Variants in DENND6A observed in about 807,000 individuals in gnomAD.
The protein encoded by DENND6A is protein DENND6A.
In DENND6A, 43 loss-of-function variants were observed where a neutral mutation model predicts 95.5. The observed-to-expected ratio is 0.45, with a 90% CI of 0.35 to 0.58. The LOEUF (loss-of-function observed/expected upper bound fraction) is 0.58, where lower values mean the gene tolerates loss of function less well. Among genes scored for constraint, DENND6A ranks in the 20% least tolerant of loss-of-function variants. The pLI, the probability that DENND6A is intolerant of heterozygous loss-of-function variation, is 0.00. For synonymous variants in DENND6A, 257 were observed against 260.4 expected, an observed-to-expected ratio of 0.99 and a Z score of 0.13; for missense variants, 574 against 736.0, an observed-to-expected ratio of 0.78 and a Z score of 2.55.
At chr3:57,682,922 C>G (rs2077179331) in intron 1 of DENND6A, among the ~76,000 whole-genome samples, 1 of 152,198 alleles carries the variant, frequency 6.6e-6, no homozygotes, top group African/African-American at 2.4e-5. Flanking sequence ...AAGTGATCCA[C>G]CCACCTCAGC....
chr3:57,636,530 T>C (rs747944939), intron 12 of DENND6A, among the ~76,000 whole-genome samples: 2 of 152,030 alleles, frequency 1.3e-5, no homozygotes, highest in Admixed American at 6.6e-5. Flanking sequence ...GGTGCTGGGA[T>C]AGAATTATGA....
intron 9 of DENND6A, among the ~76,000 whole-genome samples, chr3:57,648,076 A>G (rs916951562): frequency 2.0e-5 from 3 of 152,180 alleles, no homozygotes; most frequent in African/African-American, 7.2e-5. Context: ...TTAAACTGTC[A>G]CTGTTTGCTG....
chr3:57,651,835 A>G (rs1187819482), intron 9 of DENND6A, among the ~76,000 whole-genome samples: 1 of 152,210 alleles, frequency 6.6e-6, no homozygotes, highest in African/African-American at 2.4e-5. Flanking sequence ...ATATCAAAAT[A>G]GGTAATAATG....
Position 57,630,433 on chromosome 3 carries a change from A to T in DENND6A, c.1608T>A (p.Ala536=), listed in dbSNP as rs191017431. The change falls in exon 18 of 20, where the codon GCT becomes GCA. Residue 536 remains alanine (A), a synonymous_variant. Coordinates refer to ENST00000311128, the MANE Select transcript of DENND6A (RefSeq NM_152678.3). ...TQKLEALHLE[A]LCEEDLLLWI... ...ACAGTTTTCGAACCTCTTCACAAAG[A>T]GCTTCTAGATGGAGTGCCTCCAATT... The T allele has an allele frequency of 2.5e-6, 4 of 1,584,638 alleles. No individual in the cohort carries two copies. The highest frequency in any genetic ancestry group is 2.1e-5 in the Admixed American group (1 of 48,730).
chr3:57,649,779 C>CT (rs1255524637), intron 9 of DENND6A, among the ~76,000 whole-genome samples: 1 of 151,836 alleles, frequency 6.6e-6, no homozygotes, highest in Non-Finnish European at 1.5e-5. Flanking sequence ...TGCTCACTCT[C>CT]TGATTCTCCT....
chr3:57,647,259 C>T (rs1363487030), intron 9 of DENND6A, among the ~76,000 whole-genome samples: 1 of 152,062 alleles, frequency 6.6e-6, no homozygotes. Context: ...TTAATTTTAA[C>T]TATTCAAAAA....
intron 12 of DENND6A, among the ~76,000 whole-genome samples, chr3:57,637,892 T>C (rs1258254855): frequency 6.6e-6 from 1 of 151,948 alleles, no homozygotes; most frequent in African/African-American, 2.4e-5. Context: ...CCCCAGCACT[T>C]TGGGAGGCTG....
intron 9 of DENND6A, among the ~76,000 whole-genome samples, chr3:57,649,755 T>C (rs543058229): frequency 6.6e-6 from 1 of 151,972 alleles, no homozygotes; most frequent in African/African-American, 2.4e-5. Context: ...TCTGCATGGA[T>C]ACCCTCCTTA....
intron 12 of DENND6A, among the ~76,000 whole-genome samples, chr3:57,639,194 A>G (rs564477296): frequency 6.6e-6 from 1 of 152,362 alleles, no homozygotes; most frequent in South Asian, 2.1e-4. Context: ...ATCATTAGTC[A>G]TTAGAGAAAA....
At chr3:57,679,124 CAAAAT>C (rs2077136064) in intron 1 of DENND6A, among the ~76,000 whole-genome samples, 1 of 152,144 alleles carries the variant, frequency 6.6e-6, no homozygotes, top group Non-Finnish European at 1.5e-5. Context: ...CAAAACAAAA[CAAAAT>C]GATACCCAGT....
intron 1 of DENND6A, among the ~76,000 whole-genome samples, chr3:57,679,036 G>A (rs1213446429): frequency 6.6e-6 from 1 of 152,244 alleles, no homozygotes; most frequent in East Asian, 1.9e-4. Flanking sequence ...TCCAGAAGGT[G>A]GAGGTTGCAG....
rs528023670 is a variant in DENND6A, at chr3:57,671,886, TTCAC to T, written c.319+366_319+369del. 6.2e-3 allele frequency among the ~76,000 whole-genome samples: 940 copies of T among 152,312 alleles called. 4 individuals carry two copies. The highest frequency in any genetic ancestry group is 0.01 in the Non-Finnish European group (708 of 68,014). ...CAAATTTATCCTGGCTTTTTTTAGG[TTCAC>T]TGCTTTTACAGAGTTCCTGGTAAGC... On this transcript the variant is annotated intron_variant, in intron 3 of 19. Coordinates refer to ENST00000311128, the MANE Select transcript of DENND6A (RefSeq NM_152678.3).
At position 57,626,230 on chromosome 3, in the gene DENND6A, C is replaced by A. The variant is rs1483602453; in HGVS notation, c.*1984G>T. 1 of 152,544 alleles carries A rather than the reference C, an allele frequency of 6.6e-6. No homozygotes were observed. Among genetic ancestry groups the A allele is most frequent in the African/African-American group, 2.4e-5 (1 of 41,420 alleles). 9.4% of individuals were successfully genotyped at this position (152,544 alleles called of 1,614,324 possible). On this transcript the variant is annotated 3_prime_UTR_variant, in exon 20 of 20. Coordinates refer to ENST00000311128, the MANE Select transcript of DENND6A (RefSeq NM_152678.3). ...AACAGGGCACATTTGGGTATTAGAC[C>A]ACAGTTACAAACGCAAGGAGTCTTT...
At chr3:57,672,369 G>A (rs1479897632) in intron 2 of DENND6A, 31 bp downstream of exon 2, 2 of 1,611,262 alleles carry the variant, frequency 1.2e-6, no homozygotes, top group African/African-American at 2.7e-5. Flanking sequence ...AAATATAACA[G>A]TAAACTATAC....
At position 57,693,025 on chromosome 3, in the gene DENND6A, C is replaced by T; in HGVS notation, c.-7G>A. The T allele has an allele frequency of 2.1e-6, 3 of 1,410,604 alleles. No individual in the cohort carries two copies. The highest frequency in any genetic ancestry group is 3.0e-5 in the South Asian group (2 of 66,194). 87.4% of individuals were successfully genotyped at this position (1,410,604 alleles called of 1,614,324 possible). On this transcript the variant is annotated 5_prime_UTR_variant, in exon 1 of 20. Coordinates refer to ENST00000311128, the MANE Select transcript of DENND6A (RefSeq NM_152678.3). Reference sequence around the variant, plus strand: ...CAGGGCCCCTCAAAGCCATCGGCCGCCCCCTGACCGTTCGCGCCGCCTCCA... The same window carrying T: ...CAGGGCCCCTCAAAGCCATCGGCCGTCCCCTGACCGTTCGCGCCGCCTCCA...
At chr3:57,640,509 C>T (rs774495048) in intron 12 of DENND6A, among the ~76,000 whole-genome samples, 1 of 152,070 alleles carries the variant, frequency 6.6e-6, no homozygotes, top group Non-Finnish European at 1.5e-5. Flanking sequence ...AGGAGAAACA[C>T]TTGAACCTGG....
intron 3 of DENND6A, among the ~76,000 whole-genome samples, chr3:57,669,030 G>A (rs552891538): frequency 7.7e-4 from 117 of 151,976 alleles, no homozygotes; most frequent in Middle Eastern, 3.4e-3. Flanking sequence ...ACACCACCAC[G>A]CCCAGCTAAT....
chr3:57,691,913 G>T (rs891350584), intron 1 of DENND6A, among the ~76,000 whole-genome samples: 1 of 144,812 alleles, frequency 6.9e-6, no homozygotes, highest in Non-Finnish European at 1.5e-5. Flanking sequence ...CACACCAACT[G>T]TTCCAGAGGC....
chr3:57,652,207 AG>A (rs1428102353), intron 9 of DENND6A, among the ~76,000 whole-genome samples: 1 of 152,198 alleles, frequency 6.6e-6, no homozygotes. Flanking sequence ...ACAACTTTGA[AG>A]GCTGAGTCAT....
Sources: gnomAD v4.1 joint callset for allele counts (sites outside exome capture counted in the v4.1 genomes callset) on GRCh38, gnomAD v4.1.1 for gene constraint, MANE v1.5 for transcripts, NCBI Gene and HGNC (gene_info 2026-07-23, HGNC 2026-07-21) for gene names.